The following PTPN2 variants were observed in gnomAD, a reference collection of about 807,000 sequenced individuals.
PTPN2 encodes the protein tyrosine-protein phosphatase non-receptor type 2.
In PTPN2, 19 loss-of-function variants were observed where a neutral mutation model predicts 57.3. That is an observed-to-expected ratio of 0.33 (90% CI 0.23 to 0.49). The LOEUF (loss-of-function observed/expected upper bound fraction) is 0.49. Among genes scored for constraint, PTPN2 ranks in the 20% least tolerant of loss-of-function variants. The pLI is 0.99. For synonymous variants in PTPN2, 153 were observed against 164.9 expected, an observed-to-expected ratio of 0.93 and a Z score of 0.55; for missense variants, 358 against 501.1, an observed-to-expected ratio of 0.71 and a Z score of 2.73.
intron 8 of PTPN2, among the ~76,000 whole-genome samples, chr18:12,798,917 C>A (rs1014254574): frequency 2.6e-5 from 4 of 152,192 alleles, no homozygotes; most frequent in Non-Finnish European, 4.4e-5. Flanking sequence ...TCGCCAGCAT[C>A]TGTTAAATTC....
At chr18:12,821,071 T>C (rs1009726223) in intron 5 of PTPN2, among the ~76,000 whole-genome samples, 5 of 152,278 alleles carry the variant, frequency 3.3e-5, no homozygotes, top group Non-Finnish European at 5.9e-5. Flanking sequence ...TTTCCAATTA[T>C]CATAAAAAAT....
chr18:12,862,047 T>C (rs1325893179), intron 1 of PTPN2: 2 of 152,260 alleles, frequency 1.3e-5, no homozygotes, highest in Non-Finnish European at 1.5e-5. Context: ...ATCTCCAATA[T>C]TGTTCTACTT....
intron 8 of PTPN2, among the ~76,000 whole-genome samples, chr18:12,795,138 T>C (rs532963933): frequency 1.6e-4 from 25 of 152,330 alleles, no homozygotes; most frequent in African/African-American, 6.0e-4. Context: ...TTGCATCTGA[T>C]CCCATTTCCT....
chr18:12,795,445 C>T (rs2041139981), intron 8 of PTPN2, among the ~76,000 whole-genome samples: 1 of 152,154 alleles, frequency 6.6e-6, no homozygotes, highest in African/African-American at 2.4e-5. Context: ...AGACGTGCAC[C>T]ACCACGCCTG....
intron 1 of PTPN2, chr18:12,880,742 T>C (rs571906882): frequency 6.6e-6 from 1 of 152,426 alleles, no homozygotes; most frequent in Admixed American, 6.5e-5. Flanking sequence ...GTCAAGATTC[T>C]GTCCTTGGCC....
intron 7 of PTPN2, among the ~76,000 whole-genome samples, chr18:12,802,699 A>T (rs1167275115): frequency 6.6e-6 from 1 of 152,224 alleles, no homozygotes; most frequent in Non-Finnish European, 1.5e-5. Context: ...GCCAAGAAAG[A>T]ACAGACTGTA....
intron 5 of PTPN2, among the ~76,000 whole-genome samples, chr18:12,824,312 A>T (rs2042372189): frequency 6.6e-6 from 1 of 152,232 alleles, no homozygotes; most frequent in African/African-American, 2.4e-5. Flanking sequence ...GAAGCTGGAC[A>T]GAAGGAAAAC....
At chr18:12,791,272 A>G (rs1363647197), downstream of PTPN2, among the ~76,000 whole-genome samples, 2 of 152,258 alleles carry the variant, frequency 1.3e-5, no homozygotes, top group East Asian at 1.9e-4. Flanking sequence ...ATGAGTGGAA[A>G]TGAACTAGAT....
At chr18:12,875,394 T>C (rs559557250) in intron 1 of PTPN2, among the ~76,000 whole-genome samples, 15 of 152,314 alleles carry the variant, frequency 9.8e-5, no homozygotes, top group African/African-American at 3.4e-4. Context: ...TTCTTTAAAG[T>C]TAGCCTGTGG....
intron 2 of PTPN2, among the ~76,000 whole-genome samples, chr18:12,842,986 A>G (rs1296083335): frequency 4.6e-5 from 7 of 152,238 alleles, no homozygotes; most frequent in Admixed American, 4.6e-4. Context: ...AGCGTAAACT[A>G]ATTCGGCAGA....
chr18:12,875,317 T>A (rs200242681), intron 1 of PTPN2, among the ~76,000 whole-genome samples: 4 of 145,116 alleles, frequency 2.8e-5, no homozygotes, highest in Non-Finnish European at 4.6e-5. Flanking sequence ...AAATAAAAAT[T>A]AAAAAAAAAA....
intron 4 of PTPN2, among the ~76,000 whole-genome samples, chr18:12,827,545 T>C (rs1404274219): frequency 6.6e-6 from 1 of 151,802 alleles, no homozygotes; most frequent in African/African-American, 2.4e-5. Context: ...CCACCACACC[T>C]GGCTACTTTT....
chr18:12,840,739 G>A (rs766772382), intron 2 of PTPN2: 1 of 1,598,450 alleles, frequency 6.3e-7, no homozygotes, highest in Non-Finnish European at 8.5e-7. Context: ...TGCATTCCAT[G>A]TCTCCCTGAT....
chr18:12,838,769 G>A (rs546746260), intron 2 of PTPN2, among the ~76,000 whole-genome samples: 3 of 72,304 alleles, frequency 4.1e-5, no homozygotes, highest in Non-Finnish European at 8.1e-5. Context: ...ATTTAGAACT[G>A]ACTACAAATG....
At chr18:12,813,843 G>A (rs1469930042) in intron 7 of PTPN2, among the ~76,000 whole-genome samples, 1 of 152,208 alleles carries the variant, frequency 6.6e-6, no homozygotes, top group South Asian at 2.1e-4. Context: ...GTTGCTTGTT[G>A]TTATAAAGTC....
intron 1 of PTPN2, among the ~76,000 whole-genome samples, chr18:12,861,496 G>A (rs1381172831): frequency 6.6e-6 from 1 of 152,122 alleles, no homozygotes; most frequent in African/African-American, 2.4e-5. Context: ...GCATCTGGAA[G>A]GCAAGTTGTC....
At chr18:12,849,297 G>A (rs781243424) in intron 2 of PTPN2, among the ~76,000 whole-genome samples, 1 of 152,180 alleles carries the variant, frequency 6.6e-6, no homozygotes, top group Non-Finnish European at 1.5e-5. Context: ...AGAAGCTCAC[G>A]CCTGTAATCC....
At chr18:12,832,088 TACA>T (rs919054133) in intron 3 of PTPN2, among the ~76,000 whole-genome samples, 3 of 152,182 alleles carry the variant, frequency 2.0e-5, no homozygotes, top group African/African-American at 4.8e-5. Context: ...CAGACCCACA[TACA>T]ACAAGGGGGT....
At chr18:12,876,299 G>GAAGAAGAAGAAGAAGAAGAAGAAA (rs2044488606) in intron 1 of PTPN2, among the ~76,000 whole-genome samples, 3 of 151,300 alleles carry the variant, frequency 2.0e-5, no homozygotes, top group Admixed American at 6.6e-5. Context: ...ACAACAAAAA[G>GAAGAAGAAGAAGAAGAAGAAGAAA]AAGAAGAAGA....
Sources: allele counts gnomAD v4.1 joint callset (sites outside exome capture counted in the v4.1 genomes callset), GRCh38; gene constraint gnomAD v4.1.1; transcripts MANE v1.5; gene names NCBI Gene and HGNC (gene_info 2026-07-23, HGNC 2026-07-21).